RASAL1: variants seen among roughly 807,000 people sequenced by gnomAD.
The protein encoded by RASAL1 is RAS protein activator like 1.
A neutral mutation model predicts 96.6 loss-of-function variants in RASAL1; 72 were observed. The observed-to-expected ratio is 0.75, with a 90% CI of 0.62 to 0.91. RASAL1 has a LOEUF of 0.91. Among genes scored for constraint, RASAL1 ranks in the 40% least tolerant of loss-of-function variants. The pLI is 0.00. For missense variants in RASAL1, 1,016 were observed against 1,072.5 expected (o/e 0.95, Z 0.74); for synonymous variants, 405 against 430.4 (o/e 0.94, Z 0.73).
At position 113,100,088 on chromosome 12, in the gene RASAL1, C is replaced by T. The variant is rs1234837686; in HGVS notation, c.2279-20G>A. ...AGGCCCCTAGGAGGGAGACAAGAGG[C>T]CACAGGGGCTCAGCCAGTCCAGGGC... On this transcript the variant is annotated intron_variant, in intron 20 of 20. Transcript: ENST00000548055. 2 of 1,579,930 alleles carry T rather than the reference C, an allele frequency of 1.3e-6. No individual in the cohort carries two copies. The highest frequency in any genetic ancestry group is 1.7e-6 in the Non-Finnish European group (2 of 1,160,236).
intron 18 of RASAL1, 105 bp from the exon 19 acceptor site, chr12:113,102,114 C>T: frequency 4.3e-6 from 6 of 1,398,888 alleles, no homozygotes; most frequent in Non-Finnish European, 5.8e-6. Context: ...TAAAATCCCT[C>T]CTCAAACCTA....
chr12:113,116,997 TG>T, intron 8 of RASAL1, 75 bp downstream of exon 8: 1 of 1,221,026 alleles, frequency 8.2e-7, no homozygotes, highest in Middle Eastern at 2.3e-4. Flanking sequence ...TGGGCTGGCA[TG>T]GGCTCTGCCC....
intron 8 of RASAL1, 84 bp downstream of exon 8, chr12:113,116,989 G>T: frequency 9.2e-7 from 1 of 1,081,416 alleles, no homozygotes; most frequent in South Asian, 1.7e-5. Context: ...ATAATGTGTG[G>T]GCTGGCATGG....
At chr12:113,126,686 TCTCACACACA>T (rs1566067297) in intron 4 of RASAL1, among the ~76,000 whole-genome samples, 1 of 141,484 alleles carries the variant, frequency 7.1e-6, no homozygotes, top group African/African-American at 2.8e-5. Context: ...TGTCTCTCTC[TCTCACACACA>T]CACACACACA....
chr12:113,108,673 C>T (rs1311494807), intron 13 of RASAL1, among the ~76,000 whole-genome samples: 3 of 152,128 alleles, frequency 2.0e-5, no homozygotes, highest in South Asian at 4.1e-4. Context: ...TATACATTCG[C>T]TTATTTAATA....
intron 18 of RASAL1, chr12:113,103,099 C>T (rs1357732334): frequency 3.2e-6 from 1 of 317,142 alleles, no homozygotes; most frequent in African/African-American, 2.2e-5. Context: ...GCACTTATAA[C>T]ATTGTATTAC....
At chr12:113,110,497 G>A (rs978787593) in intron 13 of RASAL1, among the ~76,000 whole-genome samples, 11 of 152,188 alleles carry the variant, frequency 7.2e-5, no homozygotes, top group African/African-American at 2.4e-4. Flanking sequence ...CAGCCACCTC[G>A]GGAGGTGTGC....
At chr12:113,110,578 T>G (rs1392988744) in intron 13 of RASAL1, among the ~76,000 whole-genome samples, 1 of 152,072 alleles carries the variant, frequency 6.6e-6, no homozygotes, top group Non-Finnish European at 1.5e-5. Context: ...TGACCCAAAG[T>G]GTTTTTGTGT....
intron 7 of RASAL1, 87 bp downstream of exon 7, chr12:113,119,041 G>C: frequency 1.4e-6 from 2 of 1,464,520 alleles, no homozygotes; most frequent in Non-Finnish European, 1.8e-6. Context: ...ACCCTTCTGA[G>C]AGCCAGGAGG....
At chr12:113,116,952 T>A (rs986311786) in intron 8 of RASAL1, 121 bp downstream of exon 8, 16 of 724,458 alleles carry the variant, frequency 2.2e-5, no homozygotes, top group Admixed American at 1.7e-4. Flanking sequence ...AGTTGTTAAA[T>A]GGATGAATGC....
chr12:113,119,596 C>T (rs1406460157), intron 5 of RASAL1, among the ~76,000 whole-genome samples, 153 bp from the exon 6 acceptor site: 4 of 152,176 alleles, frequency 2.6e-5, no homozygotes, highest in East Asian at 1.9e-4. Flanking sequence ...TAACCATGAC[C>T]GTCCAAACCC....
At position 113,104,254 on chromosome 12, in the gene RASAL1, G is replaced by C. The variant is rs1263580464; in HGVS notation, c.1875C>G (p.Arg625=). Residue 625 remains arginine (R), a synonymous_variant, in exon 17 of 21, where the codon CGC becomes CGG. Transcript: ENST00000548055. ...GCAGTTGGAAGGCGCCCTCGTCTAC[G>C]CGCTCCACGGCGCGGATGTGAGACA... ...IPVSHIRAVE[R]VDEGAFQLPH... 22 of 1,592,182 alleles carry C rather than the reference G, an allele frequency of 1.4e-5. No homozygotes were observed. The highest frequency in any genetic ancestry group is 1.9e-5 in the Non-Finnish European group (22 of 1,169,616).
intron 2 of RASAL1, among the ~76,000 whole-genome samples, chr12:113,128,826 C>T (rs1566070634): frequency 6.6e-6 from 1 of 152,128 alleles, no homozygotes; most frequent in African/African-American, 2.4e-5. Flanking sequence ...AGAAAACAGA[C>T]ACATATGAAA....
intron 7 of RASAL1, 66 bp downstream of exon 7, chr12:113,119,062 C>T (rs1457642514): frequency 1.3e-6 from 2 of 1,509,314 alleles, no homozygotes; most frequent in Non-Finnish European, 1.8e-6. Context: ...CTCAGCCCGT[C>T]TCATCTTTCT....
rs779300095 is a variant in RASAL1, at chr12:113,108,174, C to A, written c.1423G>T (p.Ala475Ser). The change falls in exon 14 of 21, where the codon GCA becomes TCA. Residue 475 changes from alanine (A) to serine (S), a missense_variant. Transcript: ENST00000548055. Reference sequence around the variant, plus strand: ...AGCTTTGGGGTAAGGATGGCAGGTGCGAAGAATCGCAAGAAGAGAAATCCA... The same window carrying A: ...AGCTTTGGGGTAAGGATGGCAGGTGAGAAGAATCGCAAGAAGAGAAATCCA... ...ISGFLFLRFF[A>S]PAILTPKLFD... 9 of 1,613,236 alleles carry A rather than the reference C, an allele frequency of 5.6e-6. No individual in the cohort carries two copies. In the South Asian group the frequency reaches 9.9e-5, roughly 18 times the overall value.
rs1335709198 is a variant in RASAL1, at chr12:113,115,738, G to T, written c.900C>A (p.Asp300Glu). 1 of 1,614,174 alleles carries T rather than the reference G, an allele frequency of 6.2e-7. No homozygotes were observed. The highest frequency in any genetic ancestry group is 8.5e-7 in the Non-Finnish European group (1 of 1,180,038). Residue 300 changes from aspartate to glutamate, a missense_variant, in exon 10 of 21, where the codon GAC (aspartate) becomes GAA (glutamate). Transcript: ENST00000548055. The surrounding 1 kb of genome is among the most constrained non-coding windows in gnomAD (Gnocchi z 4.1). ...GCTTGGTGGCAAGGTCCTGGCGGCAGTCCCCCAAGGTCAGCTCTTCCAGCA... is the reference window on the plus strand; with the variant it reads ...GCTTGGTGGCAAGGTCCTGGCGGCATTCCCCCAAGGTCAGCTCTTCCAGCA... ...LALLEELTLG[D>E]CRQDLATKLV... is the part of the protein sequence containing the mutation.
Position 113,123,114 on chromosome 12 carries a change from G to A in RASAL1, c.299-1476C>T, listed in dbSNP as rs573758796. On this transcript the variant is annotated intron_variant, in intron 4 of 20. Transcript: ENST00000548055. Reference sequence around the variant, plus strand: ...TGGTGCTTTTCTAAAATCTGTCTGCGTAATTACTTGTAATTTATTGCTGTT... The same window carrying A: ...TGGTGCTTTTCTAAAATCTGTCTGCATAATTACTTGTAATTTATTGCTGTT... 1.1e-4 allele frequency among the ~76,000 whole-genome samples: 16 copies of A among 152,168 alleles called. No individual in the cohort carries two copies. In the South Asian group the frequency reaches 1.2e-3, roughly 12 times the overall value.
rs200935362 is a variant in RASAL1 at position 113,130,901 on chromosome 12, C to A, written c.106G>T (p.Asp36Tyr). ...SDPYCLVKVD[D>Y]EVVARTATVW... ...ACCCCTCACCTGGCCACCACCTCGTCGTCCACTTTCACTAGGCAGTAGGGG... is the reference window on the plus strand; with the variant it reads ...ACCCCTCACCTGGCCACCACCTCGTAGTCCACTTTCACTAGGCAGTAGGGG... The change falls in exon 2 of 21, where the codon GAC (aspartate) becomes TAC (tyrosine). Residue 36 changes from aspartate (D) to tyrosine (Y), a missense_variant. Physicochemically the swap from Asp to Tyr is radical, Grantham distance 160 (BLOSUM62 -3). Coordinates refer to ENST00000548055, the MANE Select transcript of RASAL1 (RefSeq NM_001301202.2). This position sits in a 1 kb window ranked among gnomAD's most constrained non-coding sequence, Gnocchi z 5.1. 6.2e-7 allele frequency: 1 copy of A among 1,613,608 alleles called. No homozygotes were observed. Among genetic ancestry groups the A allele is most frequent in the East Asian group, 2.2e-5 (1 of 44,874 alleles).
intron 5 of RASAL1, among the ~76,000 whole-genome samples, 181 bp downstream of exon 5, chr12:113,121,328 T>G (rs1388770193): frequency 6.6e-6 from 1 of 152,210 alleles, no homozygotes; most frequent in Non-Finnish European, 1.5e-5. Flanking sequence ...TCAACAGGAT[T>G]TTGCCCCCAG....
Sources: gnomAD v4.1 joint callset for allele counts (sites outside exome capture counted in the v4.1 genomes callset) on GRCh38, gnomAD v4.1.1 for gene constraint, Gnocchi (gnomAD v3.1) non-coding constraint, MANE v1.5 for transcripts, NCBI Gene and HGNC (gene_info 2026-07-23, HGNC 2026-07-21) for gene names.